The following C12orf42 variants were observed in gnomAD, a reference collection of about 807,000 sequenced individuals.
C12orf42 encodes uncharacterized protein C12orf42.
C12orf42 carries 25 observed loss-of-function variants against 21.6 expected under a neutral mutation model. That is an observed-to-expected ratio of 1.16 (90% CI 0.84 to 1.62). The LOEUF is 1.62. C12orf42 is among the 40% of genes most tolerant of loss of function. C12orf42 has a pLI of 0.00. For synonymous variants in C12orf42, 174 were observed against 175.0 expected (o/e 0.99, Z 0.05); for missense variants, 483 against 459.3 (o/e 1.05, Z -0.47).
At chr12:103,501,007 T>G in the C12orf42 span, among the ~76,000 whole-genome samples, 1 of 152,228 alleles carries the variant, frequency 6.6e-6, no homozygotes, top group African/African-American at 2.4e-5. Context: ...TAATCACATT[T>G]CAAAGATGCA....
At chr12:103,116,482 C>T in the C12orf42 span, among the ~76,000 whole-genome samples, 3 of 151,354 alleles carry the variant, frequency 2.0e-5, no homozygotes, top group Admixed American at 1.3e-4. Flanking sequence ...AGATTCCTGG[C>T]CAATCTTAGT....
chr12:103,377,120 C>T (rs1313619457), intron 3 of C12orf42, among the ~76,000 whole-genome samples: 1 of 152,008 alleles, frequency 6.6e-6, no homozygotes, highest in African/African-American at 2.4e-5. Flanking sequence ...TCTCTCTTCC[C>T]TTATTCCTGA....
At chr12:103,110,310 G>A in the C12orf42 span, among the ~76,000 whole-genome samples, 3 of 152,340 alleles carry the variant, frequency 2.0e-5, no homozygotes, top group East Asian at 5.8e-4. Flanking sequence ...CCTTGAGTAT[G>A]AAGGCATTTA....
At chr12:103,173,109 A>G in the C12orf42 span, among the ~76,000 whole-genome samples, 439 of 152,260 alleles carry the variant, frequency 2.9e-3, 1 homozygote, top group African/African-American at 0.01. Flanking sequence ...CTCAGGTACC[A>G]AAGAGTTCAG....
the C12orf42 span, among the ~76,000 whole-genome samples, chr12:103,134,588 GA>G: frequency 6.6e-6 from 1 of 151,746 alleles, no homozygotes; most frequent in Non-Finnish European, 1.5e-5. Flanking sequence ...AAAGAATTAA[GA>G]AGAATGAAAA....
At chr12:103,444,440 C>T (rs570215115) in intron 2 of C12orf42, among the ~76,000 whole-genome samples, 10 of 151,970 alleles carry the variant, frequency 6.6e-5, no homozygotes, top group African/African-American at 1.7e-4. Context: ...TATATAATAC[C>T]GACTTTTTGA....
chr12:103,364,271 A>G (rs546243356), intron 4 of C12orf42, among the ~76,000 whole-genome samples: 249 of 152,238 alleles, frequency 1.6e-3, no homozygotes, highest in African/African-American at 5.6e-3. Context: ...AAATCGATAG[A>G]AATTTAAAAA....
intron 10 of C12orf42, among the ~76,000 whole-genome samples, chr12:103,248,711 C>A (rs1415519755): frequency 1.3e-5 from 2 of 151,968 alleles, no homozygotes; most frequent in African/African-American, 4.8e-5. Flanking sequence ...GAATAGGATC[C>A]TAGTCCAACA....
At chr12:103,217,942 C>T in the C12orf42 span, among the ~76,000 whole-genome samples, 2 of 152,062 alleles carry the variant, frequency 1.3e-5, no homozygotes, top group Admixed American at 1.3e-4. Flanking sequence ...TTGTCTATAC[C>T]ATTCATTTGT....
At chr12:103,434,198 A>C (rs926321787) in intron 2 of C12orf42, among the ~76,000 whole-genome samples, 2 of 152,130 alleles carry the variant, frequency 1.3e-5, no homozygotes, top group Admixed American at 1.3e-4. Flanking sequence ...TTCTTTCCCC[A>C]ACAGCTCCTC....
chr12:103,151,739 C>T, the C12orf42 span: 1 of 152,150 alleles, frequency 6.6e-6, no homozygotes. Context: ...GTTATAGATA[C>T]ATTAGTTAAT....
chr12:103,314,524 G>T (rs1230546990), intron 4 of C12orf42, among the ~76,000 whole-genome samples: 1 of 152,164 alleles, frequency 6.6e-6, no homozygotes, highest in African/African-American at 2.4e-5. Flanking sequence ...AAAATCTTCT[G>T]GGGACCAGGT....
the C12orf42 span, among the ~76,000 whole-genome samples, chr12:103,230,164 GT>G: frequency 2.0e-5 from 3 of 151,344 alleles, no homozygotes; most frequent in Non-Finnish European, 4.4e-5. Context: ...TGAACCAGAA[GT>G]ATGGGCACAG....
intron 10 of C12orf42, among the ~76,000 whole-genome samples, chr12:103,239,135 A>G (rs971247753): frequency 2.6e-5 from 4 of 152,226 alleles, no homozygotes; most frequent in Non-Finnish European, 5.9e-5. Flanking sequence ...ATATTTGGAT[A>G]AAATAAAATC....
At chr12:103,091,247 T>C in the C12orf42 span, among the ~76,000 whole-genome samples, 2 of 152,132 alleles carry the variant, frequency 1.3e-5, no homozygotes, top group Non-Finnish European at 2.9e-5. Flanking sequence ...AAAATGGTAA[T>C]GATTATATGC....
the C12orf42 span, among the ~76,000 whole-genome samples, chr12:103,141,950 G>A: frequency 1.0e-3 from 158 of 151,972 alleles, no homozygotes; most frequent in Non-Finnish European, 2.6e-4. Context: ...AAATGTTGGG[G>A]AAAGATAAAT....
At chr12:103,082,989 A>G in the C12orf42 span, among the ~76,000 whole-genome samples, 1 of 152,212 alleles carries the variant, frequency 6.6e-6, no homozygotes, top group African/African-American at 2.4e-5. Flanking sequence ...GCTTTATAGC[A>G]AGTTTCAGGA....
chr12:103,329,381 T>C (rs2041011009), intron 4 of C12orf42, among the ~76,000 whole-genome samples: 1 of 151,944 alleles, frequency 6.6e-6, no homozygotes, highest in Admixed American at 6.6e-5. Flanking sequence ...GTCCTGTCGG[T>C]GGGTGGAGAG....
chr12:103,557,694 T>G, the C12orf42 span: 1 of 152,108 alleles, frequency 6.6e-6, no homozygotes, highest in Non-Finnish European at 1.5e-5. Context: ...ACTAAACTGC[T>G]TAATGATGGA....
Sources: allele counts gnomAD v4.1 joint callset (sites outside exome capture counted in the v4.1 genomes callset), GRCh38; gene constraint gnomAD v4.1.1; transcripts MANE v1.5; gene names NCBI Gene and HGNC (gene_info 2026-07-23, HGNC 2026-07-21).